Variants in SHQ1 observed in about 807,000 individuals in gnomAD.
SHQ1 encodes protein SHQ1 homolog.
A neutral mutation model predicts 53.8 loss-of-function variants in SHQ1; 49 were observed. The ratio of observed to expected loss-of-function variants is 0.91; its 90% CI spans 0.72 to 1.16. The LOEUF is 1.16. SHQ1 is among the 50% of genes most tolerant of loss of function. SHQ1 has a pLI of 0.00. For synonymous variants in SHQ1, 243 were observed against 251.0 expected (o/e 0.97, Z 0.30); for missense variants, 738 against 683.1 (o/e 1.08, Z -0.90).
Position 72,817,210 on chromosome 3 carries a change from G to C in SHQ1, c.882+20C>G. ...TCAGCACAGTCATCTATGGCAACAT[G>C]CACACATACATGCACTTACATTCTT... On this transcript the variant is annotated intron_variant, in intron 7 of 10. Transcript: ENST00000325599. 2 of 1,604,038 alleles carry C rather than the reference G, an allele frequency of 1.2e-6. No homozygotes were observed. Among genetic ancestry groups the C allele is most frequent in the Non-Finnish European group, 1.7e-6 (2 of 1,174,872 alleles).
At chr3:72,728,356 A>T in the SHQ1 span, among the ~76,000 whole-genome samples, 1 of 152,188 alleles carries the variant, frequency 6.6e-6, no homozygotes, top group Non-Finnish European at 1.5e-5. Flanking sequence ...ACCAACAGGT[A>T]GGTGACATGT....
chr3:72,756,478 T>C (rs949534177), intron 10 of SHQ1, among the ~76,000 whole-genome samples: 1 of 152,132 alleles, frequency 6.6e-6, no homozygotes, highest in Non-Finnish European at 1.5e-5. Flanking sequence ...GGTTTTGCCA[T>C]GTTGGCCAGG....
chr3:72,750,138 G>T lies in SHQ1; in HGVS notation c.*146C>A. 2.9e-6 allele frequency: 2 copies of T among 687,766 alleles called. No individual in the cohort carries two copies. The highest frequency in any genetic ancestry group is 4.8e-6 in the Non-Finnish European group (2 of 412,880). 42.6% of individuals were successfully genotyped at this position (687,766 alleles called of 1,614,324 possible). A position where few individuals can be genotyped will look rare whatever the true frequency, so the allele number is the denominator to read the frequency against. ...TCTTCAATATTTTTGATCTGCAGTTGGTTGAATCCACAGATGTGGAACACA... is the reference window on the plus strand; with the variant it reads ...TCTTCAATATTTTTGATCTGCAGTTTGTTGAATCCACAGATGTGGAACACA... On this transcript the variant is annotated 3_prime_UTR_variant, in exon 11 of 11. Coordinates refer to ENST00000325599, the MANE Select transcript of SHQ1 (RefSeq NM_018130.3).
chr3:72,775,951 T>C (rs536757071), intron 10 of SHQ1, among the ~76,000 whole-genome samples: 8 of 152,350 alleles, frequency 5.3e-5, no homozygotes, highest in African/African-American at 1.7e-4. Flanking sequence ...GAAAGCATTT[T>C]CTTAAAGATA....
At chr3:72,731,809 C>T in the SHQ1 span, among the ~76,000 whole-genome samples, 1 of 151,582 alleles carries the variant, frequency 6.6e-6, no homozygotes, top group Non-Finnish European at 1.5e-5. Flanking sequence ...TTTCCACTTT[C>T]CAAAGTGCAA....
chr3:72,840,265 A>AG (rs1708135127), intron 4 of SHQ1, among the ~76,000 whole-genome samples: 4 of 143,546 alleles, frequency 2.8e-5, no homozygotes, highest in African/African-American at 8.1e-5. Context: ...AAAAAAAAAA[A>AG]GAATAAATAA....
chr3:72,833,451 TAGATAG>T (rs1707886377), intron 4 of SHQ1, among the ~76,000 whole-genome samples: 2 of 45,936 alleles, frequency 4.4e-5, no homozygotes, highest in Non-Finnish European at 8.2e-5. Context: ...AGATGATAGA[TAGATAG>T]ATAGATAGAT....
At chr3:72,781,919 C>A (rs957300458) in intron 10 of SHQ1, among the ~76,000 whole-genome samples, 15 of 152,066 alleles carry the variant, frequency 9.9e-5, no homozygotes, top group Non-Finnish European at 1.6e-4. Context: ...TCCTATACCC[C>A]AAAAAGATTG....
chr3:72,815,081 A>G (rs1034013197), intron 8 of SHQ1, among the ~76,000 whole-genome samples: 1 of 152,022 alleles, frequency 6.6e-6, no homozygotes, highest in Admixed American at 6.6e-5. Flanking sequence ...CCAACTTACA[A>G]ACACACCTCT....
chr3:72,743,558 A>G, the SHQ1 span, among the ~76,000 whole-genome samples: 2 of 152,268 alleles, frequency 1.3e-5, no homozygotes, highest in Non-Finnish European at 2.9e-5. Context: ...TCAAAAGATA[A>G]GAGAATCAAG....
chr3:72,777,086 C>T (rs931406125), intron 10 of SHQ1, among the ~76,000 whole-genome samples: 2 of 151,986 alleles, frequency 1.3e-5, no homozygotes, highest in African/African-American at 4.8e-5. Context: ...ATGCAAAATG[C>T]AAAAGAATAA....
intron 9 of SHQ1, among the ~76,000 whole-genome samples, chr3:72,806,733 CAAT>C (rs1706958928): frequency 6.6e-6 from 1 of 152,174 alleles, no homozygotes; most frequent in Non-Finnish European, 1.5e-5. Context: ...GGTTTACTCA[CAAT>C]GTTTACAACA....
the SHQ1 span, among the ~76,000 whole-genome samples, chr3:72,731,161 C>A: frequency 7.3e-6 from 1 of 136,348 alleles, no homozygotes; most frequent in African/African-American, 2.7e-5. Context: ...GGCATGGAAA[C>A]CCCAGAAGCC....
the SHQ1 span, among the ~76,000 whole-genome samples, chr3:72,731,804 A>C: frequency 6.6e-6 from 1 of 151,270 alleles, no homozygotes; most frequent in Non-Finnish European, 1.5e-5. Context: ...ATCTCTTTCC[A>C]CTTTCCAAAG....
intron 10 of SHQ1, chr3:72,772,425 G>C (rs1466783415): frequency 2.6e-6 from 1 of 385,758 alleles, no homozygotes; most frequent in Non-Finnish European, 4.9e-6. Context: ...AACTTCTGAG[G>C]AGACCAGTTC....
At chr3:72,830,290 C>T (rs539261204) in intron 5 of SHQ1, among the ~76,000 whole-genome samples, 1 of 152,126 alleles carries the variant, frequency 6.6e-6, no homozygotes, top group Non-Finnish European at 1.5e-5. Context: ...TAAAGCCCCC[C>T]AAATCCTGAC....
intron 6 of SHQ1, 55 bp from the exon 7 acceptor site, chr3:72,817,439 C>T: frequency 6.7e-7 from 1 of 1,484,470 alleles, no homozygotes; most frequent in Non-Finnish European, 9.1e-7. Flanking sequence ...GTAAAACTCC[C>T]AATGGAAGAT....
In SHQ1 at chr3:72,848,206, G is replaced by C. The variant is rs753143764; in HGVS notation, c.135C>G (p.Tyr45Ter). The C allele has an allele frequency of 1.9e-6, 3 of 1,614,190 alleles. No individual in the cohort carries two copies. The highest frequency in any genetic ancestry group is 2.5e-6 in the Non-Finnish European group (3 of 1,180,038). The change falls in exon 1 of 11, where the codon TAC becomes TAG. Residue 45 changes from tyrosine (Y) to a stop codon, truncating the protein, a stop_gained. Coordinates refer to ENST00000325599, the MANE Select transcript of SHQ1 (RefSeq NM_018130.3). LOFTEE classifies it high-confidence loss of function. Reference sequence around the variant, plus strand: ...AGGCACCCCGAACTCGCCTGAGAAAGTATGGCTTGGCGTAGAACTTGAAGT... The same window carrying C: ...AGGCACCCCGAACTCGCCTGAGAAACTATGGCTTGGCGTAGAACTTGAAGT... ...GSDFKFYAKP[Y>*]FLRLTLPGRI... is the part of the protein sequence containing the mutation.
intron 2 of SHQ1, 112 bp from the exon 3 acceptor site, chr3:72,842,514 A>G: frequency 1.1e-6 from 1 of 943,088 alleles, no homozygotes; most frequent in Non-Finnish European, 1.5e-6. Context: ...GGATCATTTT[A>G]GCCCAGGAGT....
Sources: gnomAD v4.1 joint callset for allele counts (sites outside exome capture counted in the v4.1 genomes callset) on GRCh38, gnomAD v4.1.1 for gene constraint, MANE v1.5 for transcripts, NCBI Gene and HGNC (gene_info 2026-07-23, HGNC 2026-07-21) for gene names.